The following DPYSL3 variants were observed in gnomAD, a reference collection of about 807,000 sequenced individuals.
DPYSL3 encodes the protein dihydropyrimidinase-related protein 3.
DPYSL3 carries 16 observed loss-of-function variants against 66.1 expected under a neutral mutation model. The ratio of observed to expected loss-of-function variants is 0.24; its 90% CI spans 0.16 to 0.37. The LOEUF is 0.37. Among genes scored for constraint, DPYSL3 ranks in the 10% least tolerant of loss-of-function variants. DPYSL3 has a pLI of 1.00. For synonymous variants in DPYSL3, 338 were observed against 345.1 expected, an observed-to-expected ratio of 0.98 and a Z score of 0.23; for missense variants, 738 against 916.2, an observed-to-expected ratio of 0.81 and a Z score of 2.51.
intron 1 of DPYSL3, among the ~76,000 whole-genome samples, chr5:147,443,357 G>A (rs563592252): frequency 7.9e-5 from 12 of 152,246 alleles, no homozygotes; most frequent in Admixed American, 3.3e-4. Context: ...AGAAGCCATC[G>A]TTCTCAGCAA....
intron 1 of DPYSL3, among the ~76,000 whole-genome samples, chr5:147,449,474 T>C (rs1236700436): frequency 6.6e-6 from 1 of 152,230 alleles, no homozygotes. Flanking sequence ...CAATCAGTGG[T>C]TGGAAAAGAC....
At chr5:147,396,109 T>C (rs1464276300) in intron 12 of DPYSL3, among the ~76,000 whole-genome samples, 1 of 152,050 alleles carries the variant, frequency 6.6e-6, no homozygotes, top group Non-Finnish European at 1.5e-5. Context: ...AGAACAGCAG[T>C]ACAGCTGGAG....
rs1268847292 is a variant in DPYSL3 at position 147,492,978 on chromosome 5, A to G, written c.381+16500T>C. Among the ~76,000 whole-genome samples the G allele has an allele frequency of 3.9e-5, 6 of 152,324 alleles. 1 individual carries two copies. The highest frequency in any genetic ancestry group is 3.3e-4 in the Admixed American group (5 of 15,294). ...TCAAGTACAAAGGCACAGAGATATT[A>G]AAAGAAAAGGAATGGAGAAAGAAAT... is the stretch of plus-strand genomic sequence containing the variant. On this transcript the variant is annotated intron_variant, in intron 1 of 13. Coordinates refer to ENST00000343218, the MANE Select transcript of DPYSL3 (RefSeq NM_001197294.2).
intron 1 of DPYSL3, among the ~76,000 whole-genome samples, chr5:147,503,892 C>T (rs1753649510): frequency 6.6e-6 from 1 of 152,198 alleles, no homozygotes; most frequent in African/African-American, 2.4e-5. Context: ...CTTTGATTTT[C>T]TGTTTGTTTT....
chr5:147,432,252 T>C (rs796586778), intron 1 of DPYSL3, among the ~76,000 whole-genome samples: 24 of 152,272 alleles, frequency 1.6e-4, no homozygotes, highest in African/African-American at 5.3e-4. Flanking sequence ...CTTTCTTTAT[T>C]ATCTTTGGTT....
At chr5:147,429,197 G>A (rs748528257) in intron 1 of DPYSL3, among the ~76,000 whole-genome samples, 9 of 152,078 alleles carry the variant, frequency 5.9e-5, no homozygotes, top group Non-Finnish European at 8.8e-5. Context: ...CAAAATGAAC[G>A]TATTCAGAGC....
At chr5:147,484,302 C>G (rs1002041976) in intron 1 of DPYSL3, among the ~76,000 whole-genome samples, 3 of 152,212 alleles carry the variant, frequency 2.0e-5, no homozygotes, top group Non-Finnish European at 2.9e-5. Flanking sequence ...CCCTTCATAG[C>G]CCATCTGGCC....
intron 1 of DPYSL3, among the ~76,000 whole-genome samples, chr5:147,441,145 A>T (rs79238510): frequency 6.6e-6 from 1 of 152,030 alleles, no homozygotes; most frequent in African/African-American, 2.4e-5. Flanking sequence ...TTAAGTTTTT[A>T]ATTTTTTCAT....
intron 2 of DPYSL3, among the ~76,000 whole-genome samples, chr5:147,420,979 A>C (rs1752065958): frequency 6.6e-6 from 1 of 152,110 alleles, no homozygotes; most frequent in Non-Finnish European, 1.5e-5. Flanking sequence ...CCGTAGCGCC[A>C]CTCCTATTCA....
chr5:147,462,822 AG>A (rs1331467086), intron 1 of DPYSL3, among the ~76,000 whole-genome samples: 3 of 152,148 alleles, frequency 2.0e-5, no homozygotes, highest in Non-Finnish European at 4.4e-5. Flanking sequence ...AGCCACGTGG[AG>A]GTCACACAAA....
At position 147,480,397 on chromosome 5, in the gene DPYSL3, C is replaced by T. The variant is rs549642412; in HGVS notation, c.381+29081G>A. Among the ~76,000 whole-genome samples, 14 of 152,172 alleles carry T rather than the reference C, an allele frequency of 9.2e-5. No homozygotes were observed. In the East Asian group the frequency reaches 1.7e-3, roughly 19 times the overall value. On this transcript the variant is annotated intron_variant, in intron 1 of 13. Transcript: ENST00000343218. Reference sequence around the variant, plus strand: ...CCTCTAGTTATTTTCTCTGGATTAACGTCTATGTCTCTTTTCGCTCTTTCA... The same window carrying T: ...CCTCTAGTTATTTTCTCTGGATTAATGTCTATGTCTCTTTTCGCTCTTTCA...
intron 1 of DPYSL3, among the ~76,000 whole-genome samples, chr5:147,430,512 A>AAAAAAAAAAAAAGAAAAAAAAGG (rs1752293442): frequency 6.6e-6 from 1 of 150,614 alleles, no homozygotes; most frequent in Non-Finnish European, 1.5e-5. Context: ...TCGGTCTCAA[A>AAAAAAAAAAAAAGAAAAAAAAGG]AAAAAAAAAA....
In DPYSL3 at chr5:147,395,637, C is replaced by T. The variant is rs781130845; in HGVS notation, c.1888G>A (p.Ala630Thr). 76 of 1,613,914 alleles carry T rather than the reference C, an allele frequency of 4.7e-5. No homozygotes were observed. The highest frequency in any genetic ancestry group is 5.8e-5 in the Non-Finnish European group (68 of 1,180,024). Reference protein sequence around the residue: ...LTTTPKGGTPAGSARGSPTRP... With the variant: ...LTTTPKGGTPTGSARGSPTRP... Reference sequence around the variant, plus strand: ...GTAGGAGAGCCCCGAGCAGAGCCTGCGGGGGTGCCACCTTTGGGGGTGGTG... The same window carrying T: ...GTAGGAGAGCCCCGAGCAGAGCCTGTGGGGGTGCCACCTTTGGGGGTGGTG... Residue 630 changes from alanine (A) to threonine (T), a missense_variant, in exon 13 of 14, where the codon GCA becomes ACA. Physicochemically the swap from Ala to Thr is moderately conservative, Grantham distance 58. Transcript: ENST00000343218.
chr5:147,393,934 A>G lies in DPYSL3; in HGVS notation c.*101T>C, dbSNP rs980482519. 13 of 1,206,556 alleles carry G rather than the reference A, an allele frequency of 1.1e-5. No homozygotes were observed. The highest frequency in any genetic ancestry group is 1.5e-5 in the African/African-American group (1 of 66,374). The allele number at this position is 1,206,556 out of a possible 1,614,324, so 74.7% of individuals were successfully genotyped here. On this transcript the variant is annotated 3_prime_UTR_variant, in exon 14 of 14. Coordinates refer to ENST00000343218, the MANE Select transcript of DPYSL3 (RefSeq NM_001197294.2). ...TTGAGGCTTATTGATTCTTTAGATCACAACCGTTTGGATTCGCTTTCCTTC... is the reference window on the plus strand; with the variant it reads ...TTGAGGCTTATTGATTCTTTAGATCGCAACCGTTTGGATTCGCTTTCCTTC...
chr5:147,431,449 C>A (rs1221101896), intron 1 of DPYSL3, among the ~76,000 whole-genome samples: 2 of 151,990 alleles, frequency 1.3e-5, no homozygotes, highest in African/African-American at 4.8e-5. Flanking sequence ...ACAATGATAC[C>A]TTTTTCTGAG....
At chr5:147,458,366 C>T (rs148837789) in intron 1 of DPYSL3, among the ~76,000 whole-genome samples, 166 of 152,260 alleles carry the variant, frequency 1.1e-3, no homozygotes, top group South Asian at 5.8e-3. Flanking sequence ...ACCATGGCAA[C>T]GTCGGAAGTT....
chr5:147,488,375 T>C (rs1218364838), intron 1 of DPYSL3, among the ~76,000 whole-genome samples: 1 of 152,186 alleles, frequency 6.6e-6, no homozygotes, highest in Non-Finnish European at 1.5e-5. Flanking sequence ...TAGCGATGAA[T>C]GGGCTACAGG....
chr5:147,496,601 A>C (rs1753514490), intron 1 of DPYSL3, among the ~76,000 whole-genome samples: 1 of 151,956 alleles, frequency 6.6e-6, no homozygotes. Context: ...ATATGAACAG[A>C]CATTTCTCAA....
At chr5:147,453,517 A>AGGAG (rs748553629) in intron 1 of DPYSL3, 8 of 1,520,382 alleles carry the variant, frequency 5.3e-6, no homozygotes, top group East Asian at 5.4e-5. Flanking sequence ...GGAGCGAGCG[A>AGGAG]GGAGGGAGGG....
Sources: gnomAD v4.1 joint callset for allele counts (sites outside exome capture counted in the v4.1 genomes callset) on GRCh38, gnomAD v4.1.1 for gene constraint, MANE v1.5 for transcripts, NCBI Gene and HGNC (gene_info 2026-07-23, HGNC 2026-07-21) for gene names.